Variants in RASA3 observed in about 807,000 individuals in gnomAD.
The protein encoded by RASA3 is ras GTPase-activating protein 3.
Under a neutral mutation model 110.0 loss-of-function variants are expected in RASA3, and 73 were observed. The ratio of observed to expected loss-of-function variants is 0.66; its 90% CI spans 0.55 to 0.81. The LOEUF (loss-of-function observed/expected upper bound fraction) is 0.81, where lower values mean the gene tolerates loss of function less well. Ranked by LOEUF, RASA3 falls within the 30% of genes least tolerant of loss-of-function variation. The pLI is 0.00. For synonymous variants in RASA3, 500 were observed against 451.4 expected (o/e 1.11, Z -1.37); for missense variants, 976 against 1,113.2 (o/e 0.88, Z 1.75).
At chr13:114,076,471 C>T (rs1039416036) in intron 1 of RASA3, among the ~76,000 whole-genome samples, 3 of 152,158 alleles carry the variant, frequency 2.0e-5, no homozygotes. Context: ...AAGGCTCCCA[C>T]CGATGTGAAG....
intron 23 of RASA3, among the ~76,000 whole-genome samples, chr13:113,980,896 C>T (rs551146090): frequency 6.6e-6 from 1 of 152,038 alleles, no homozygotes; most frequent in Admixed American, 6.5e-5. Context: ...GAGGGAGGAT[C>T]GAAGGGAGGG....
At chr13:114,052,202 C>A in intron 2 of RASA3, 47 bp from the exon 3 acceptor site, 2 of 1,326,162 alleles carry the variant, frequency 1.5e-6, no homozygotes, top group South Asian at 1.2e-5. Context: ...GCCACGCTTG[C>A]GCCTCACCCC....
chr13:113,981,814 C>T lies in RASA3; in HGVS notation c.2290G>A (p.Glu764Lys). 1 of 1,614,008 alleles carries T rather than the reference C, an allele frequency of 6.2e-7. No individual in the cohort carries two copies. The highest frequency in any genetic ancestry group is 8.5e-7 in the Non-Finnish European group (1 of 1,179,970). The change falls in exon 23 of 24, where the codon GAG becomes AAG. Residue 764 changes from glutamate (E) to lysine (K), a missense_variant. By Grantham distance (56) the Glu-to-Lys change is moderately conservative. Around this residue, in one of 4 missense-constraint regions of RASA3, gnomAD observed 132 missense variants for 152.8 expected, o/e 0.86. Coordinates refer to ENST00000334062, the MANE Select transcript of RASA3 (RefSeq NM_007368.4). ...TCGTCAATGACGAACGTCGAATACT[C>T]CTCCTGCTCCGGGCCGTCATACACA... is the stretch of plus-strand genomic sequence containing the variant. ...KSVYDGPEQE[E>K]YSTFVIDDPQ... is the part of the protein sequence containing the mutation.
At chr13:114,104,828 C>G (rs2080111785) in intron 1 of RASA3, among the ~76,000 whole-genome samples, 1 of 151,856 alleles carries the variant, frequency 6.6e-6, no homozygotes, top group African/African-American at 2.4e-5. Flanking sequence ...CCAGCCCACA[C>G]ATGCTCACCC....
In RASA3 at chr13:114,057,837, A is replaced by G. The variant is rs1382285312; in HGVS notation, c.174-5682T>C. Among the ~76,000 whole-genome samples, 1 of 152,206 alleles carries G rather than the reference A, an allele frequency of 6.6e-6. No individual in the cohort carries two copies. The highest frequency in any genetic ancestry group is 1.5e-5 in the Non-Finnish European group (1 of 68,026). On this transcript the variant is annotated intron_variant, in intron 2 of 23. Coordinates refer to ENST00000334062, the MANE Select transcript of RASA3 (RefSeq NM_007368.4). This position sits in a 1 kb window ranked among gnomAD's most constrained non-coding sequence, Gnocchi z 5.0. The stretch of plus-strand genomic sequence containing the variant: ...GGCGCTCAGCACGAGGGGACCCAGA[A>G]CAATGGCTTCCCTGGGGTGCGGGCT...
chr13:114,032,377 T>C (rs955577125), intron 4 of RASA3, among the ~76,000 whole-genome samples: 7 of 152,154 alleles, frequency 4.6e-5, no homozygotes, highest in Non-Finnish European at 8.8e-5. Flanking sequence ...ATCCGACCCA[T>C]GGGCCACACG....
intron 1 of RASA3, among the ~76,000 whole-genome samples, chr13:114,117,318 G>A (rs530394530): frequency 8.5e-6 from 1 of 118,090 alleles, no homozygotes; most frequent in Non-Finnish European, 1.8e-5. Flanking sequence ...AGGGGTGCAC[G>A]TGTGTGACAG....
intron 4 of RASA3, among the ~76,000 whole-genome samples, chr13:114,039,942 T>C (rs956312136): frequency 6.6e-6 from 1 of 152,216 alleles, no homozygotes; most frequent in Non-Finnish European, 1.5e-5. Context: ...CAGAACGCTC[T>C]TTCAGCTCAG....
At chr13:113,982,664 T>G (rs2052962861) in intron 22 of RASA3, among the ~76,000 whole-genome samples, 1 of 152,216 alleles carries the variant, frequency 6.6e-6, no homozygotes, top group South Asian at 2.1e-4. Flanking sequence ...TCCATCTGGA[T>G]GGAATGAATG....
chr13:114,013,762 C>T (rs1410065979), intron 14 of RASA3, among the ~76,000 whole-genome samples: 1 of 147,042 alleles, frequency 6.8e-6, no homozygotes, highest in Non-Finnish European at 1.5e-5. Context: ...CTCTCTCCAT[C>T]TCTCTGTCTC....
At chr13:114,092,463 T>G (rs2079899779) in intron 1 of RASA3, among the ~76,000 whole-genome samples, 2 of 152,190 alleles carry the variant, frequency 1.3e-5, no homozygotes, top group South Asian at 4.1e-4. Context: ...TCCATGTGTT[T>G]GCATAGTTTC....
rs1466714588 is a variant in RASA3, at chr13:114,015,361, C to T, written c.1282-29G>A. On this transcript the variant is annotated intron_variant, in intron 13 of 23. Coordinates refer to ENST00000334062, the MANE Select transcript of RASA3 (RefSeq NM_007368.4). ...CAACGGGACACGGCACTGGGACCCA[C>T]TCCCGAGGCTGCCCACAGGTGCGTG... The T allele has an allele frequency of 2.5e-6, 4 of 1,610,054 alleles. No homozygotes were observed. In the African/African-American group the frequency reaches 5.3e-5, roughly 21 times the overall value.
In RASA3 at chr13:114,014,319, G is replaced by A. The variant is rs1389358863; in HGVS notation, c.1405+890C>T. On this transcript the variant is annotated intron_variant, in intron 14 of 23. Coordinates refer to ENST00000334062, the MANE Select transcript of RASA3 (RefSeq NM_007368.4). The surrounding 1 kb of genome is among the most constrained non-coding windows in gnomAD (Gnocchi z 4.5). ...TTCAAAGTGGGTCTGGGGCTGGGAT[G>A]TGCTTGGGAACTGCCTCCCCCAGAA... Among the ~76,000 whole-genome samples the A allele has an allele frequency of 6.6e-6, 1 of 152,218 alleles. No individual in the cohort carries two copies. The highest frequency in any genetic ancestry group is 1.5e-5 in the Non-Finnish European group (1 of 68,042).
chr13:114,070,983 G>A (rs557546431), intron 2 of RASA3, among the ~76,000 whole-genome samples: 4 of 140,270 alleles, frequency 2.9e-5, no homozygotes, highest in Admixed American at 7.2e-5. Context: ...GGCTGCCGGC[G>A]TCCACGCTAA....
intron 1 of RASA3, among the ~76,000 whole-genome samples, chr13:114,079,701 G>A (rs1460422395): frequency 1.3e-5 from 2 of 152,202 alleles, no homozygotes; most frequent in East Asian, 1.9e-4. Flanking sequence ...TGTGCCATGC[G>A]TGGGTAGAGA....
chr13:114,097,463 C>T (rs2079961218), intron 1 of RASA3, among the ~76,000 whole-genome samples: 1 of 152,230 alleles, frequency 6.6e-6, no homozygotes, highest in Admixed American at 6.5e-5. Flanking sequence ...TGAGACAGAA[C>T]GTCACAGCGA....
chr13:114,025,005 C>T (rs962432662), intron 7 of RASA3, among the ~76,000 whole-genome samples: 6 of 152,330 alleles, frequency 3.9e-5, no homozygotes, highest in South Asian at 2.1e-4. Context: ...AGCAGGAGGC[C>T]GACCCACAGG....
At position 114,070,299 on chromosome 13, in the gene RASA3, G is replaced by A. The variant is rs187209919; in HGVS notation, c.173+3421C>T. Among the ~76,000 whole-genome samples, 147 of 152,000 alleles carry A rather than the reference G, an allele frequency of 9.7e-4. 1 individual carries two copies. Among genetic ancestry groups the A allele is most frequent in the African/African-American group, 2.1e-3 (85 of 41,420 alleles). ...TGCCACCATGGAGCAAGGAGGGGGCGGTGGCCAGGACTAAACTCCCCAGCA... is the reference window on the plus strand; with the variant it reads ...TGCCACCATGGAGCAAGGAGGGGGCAGTGGCCAGGACTAAACTCCCCAGCA... On this transcript the variant is annotated intron_variant, in intron 2 of 23. Coordinates refer to ENST00000334062, the MANE Select transcript of RASA3 (RefSeq NM_007368.4).
chr13:114,009,494 A>T (rs548223018), intron 16 of RASA3, 30 bp from the exon 17 acceptor site: 2 of 1,456,788 alleles, frequency 1.4e-6, no homozygotes, highest in Non-Finnish European at 1.9e-6. Context: ...ACTCGAGGAC[A>T]GCCCGAAGTA....
Sources: gnomAD v4.1 joint callset for allele counts (sites outside exome capture counted in the v4.1 genomes callset) on GRCh38, gnomAD v4.1.1 for gene constraint, gnomAD v4.1.1 regional missense constraint, Gnocchi (gnomAD v3.1) non-coding constraint, MANE v1.5 for transcripts, NCBI Gene and HGNC (gene_info 2026-07-23, HGNC 2026-07-21) for gene names.